Variants in BRINP1 observed in about 807,000 individuals in gnomAD.
BRINP1 encodes the protein BMP/retinoic acid-inducible neural-specific protein 1.
In BRINP1, 17 loss-of-function variants were observed where a neutral mutation model predicts 72.9. The observed-to-expected ratio is 0.23, with a 90% confidence interval of 0.16 to 0.35. BRINP1 has a LOEUF of 0.35. BRINP1 is among the 10% of genes least tolerant of loss of function. The pLI is 1.00. For synonymous variants in BRINP1, 418 were observed against 378.5 expected (o/e 1.10, Z -1.21); for missense variants, 850 against 1,001.6 (o/e 0.85, Z 2.04).
chr9:119,349,312 G>A (rs1831480344), intron 1 of BRINP1, among the ~76,000 whole-genome samples: 1 of 152,144 alleles, frequency 6.6e-6, no homozygotes, highest in South Asian at 2.1e-4. Flanking sequence ...ACAACTGTTA[G>A]TGTGAAGAAA....
Position 119,326,913 on chromosome 9 carries a change from A to C in BRINP1, c.-50-13508T>G, listed in dbSNP as rs189171672. On this transcript the variant is annotated intron_variant, in intron 1 of 7. Transcript: ENST00000265922. ...ATCTAGATGAGGCCTTAGAAGACAG[A>C]GAGACATTTGTGAGGTAATGAAAAG... Among the ~76,000 whole-genome samples the C allele has an allele frequency of 3.3e-3, 500 of 152,306 alleles. 2 individuals are homozygous for C. The highest frequency in any genetic ancestry group is 0.031 in the Middle Eastern group (9 of 294).
At chr9:119,259,158 A>T (rs1830474469) in intron 2 of BRINP1, among the ~76,000 whole-genome samples, 1 of 152,214 alleles carries the variant, frequency 6.6e-6, no homozygotes, top group African/African-American at 2.4e-5. Flanking sequence ...AGACATTCTG[A>T]TACTGTGGGA....
chr9:119,320,925 G>A (rs1468135741), intron 1 of BRINP1, among the ~76,000 whole-genome samples: 1 of 152,028 alleles, frequency 6.6e-6, no homozygotes, highest in Non-Finnish European at 1.5e-5. Flanking sequence ...GAGGGGTTAT[G>A]GTCTCCATTT....
chr9:119,297,735 C>CT (rs1239752225), intron 2 of BRINP1, among the ~76,000 whole-genome samples: 3 of 152,158 alleles, frequency 2.0e-5, no homozygotes, highest in African/African-American at 7.2e-5. Flanking sequence ...CTGGCAGCAT[C>CT]AGGGCTGGGC....
At chr9:119,200,878 A>C (rs1303328894) in intron 7 of BRINP1, among the ~76,000 whole-genome samples, 2 of 152,006 alleles carry the variant, frequency 1.3e-5, no homozygotes, top group African/African-American at 4.8e-5. Context: ...TTCAAGCAGA[A>C]GGAGCAGCCC....
chr9:119,198,281 T>C (rs1173318666), intron 7 of BRINP1, among the ~76,000 whole-genome samples: 2 of 152,226 alleles, frequency 1.3e-5, no homozygotes, highest in Admixed American at 6.5e-5. Context: ...TTGGTTCCAA[T>C]TTCGTCCAAC....
chr9:119,288,347 T>A (rs577520084), intron 2 of BRINP1, among the ~76,000 whole-genome samples: 10 of 138,248 alleles, frequency 7.2e-5, no homozygotes, highest in African/African-American at 2.4e-4. Flanking sequence ...TTTTTCTTTT[T>A]AAATTTTTTT....
Position 119,315,068 on chromosome 9 carries a change from C to T in BRINP1, c.-50-1663G>A, listed in dbSNP as rs1009105864. Among the ~76,000 whole-genome samples, 5 of 152,106 alleles carry T rather than the reference C, an allele frequency of 3.3e-5. No individual in the cohort carries two copies. In the South Asian group the frequency reaches 6.2e-4, roughly 19 times the overall value. On this transcript the variant is annotated intron_variant, in intron 1 of 7. Transcript: ENST00000265922. Reference sequence around the variant, plus strand: ...TTCTTTTTTTATTAATTTAAAAAAGCGTTATTTGTTTACTCCTCTGAGCTA... The same window carrying T: ...TTCTTTTTTTATTAATTTAAAAAAGTGTTATTTGTTTACTCCTCTGAGCTA...
At chr9:119,318,972 C>T (rs1831157230) in intron 1 of BRINP1, among the ~76,000 whole-genome samples, 1 of 151,836 alleles carries the variant, frequency 6.6e-6, no homozygotes, top group South Asian at 2.1e-4. Context: ...GGACCTTTTG[C>T]TCCCCAGGGA....
At chr9:119,365,663 A>G (rs1831683286) in intron 1 of BRINP1, among the ~76,000 whole-genome samples, 1 of 152,150 alleles carries the variant, frequency 6.6e-6, no homozygotes, top group African/African-American at 2.4e-5. Context: ...TCTTGCAAGC[A>G]CTAAGAAAGA....
intron 2 of BRINP1, chr9:119,283,121 G>A (rs543961): frequency 0.47 from 458,108 of 984,092 alleles, 107,875 homozygotes; most frequent in African/African-American, 0.56. Context: ...GTGAATCTGC[G>A]TTCTCACCGG....
chr9:119,316,437 G>A (rs555500227), intron 1 of BRINP1, among the ~76,000 whole-genome samples: 79 of 152,240 alleles, frequency 5.2e-4, no homozygotes, highest in African/African-American at 1.8e-3. Flanking sequence ...TGAAGATGTC[G>A]ATGATTTTCA....
intron 1 of BRINP1, among the ~76,000 whole-genome samples, chr9:119,335,238 G>A (rs765762638): frequency 1.3e-5 from 2 of 152,188 alleles, no homozygotes; most frequent in Non-Finnish European, 2.9e-5. Context: ...GAGAGTTGGT[G>A]AGTGCAGCAA....
chr9:119,298,070 AAGAT>A (rs1254227348), intron 2 of BRINP1, among the ~76,000 whole-genome samples: 2 of 152,216 alleles, frequency 1.3e-5, no homozygotes, highest in African/African-American at 4.8e-5. Flanking sequence ...GGACATCTAA[AAGAT>A]AGGACATCTA....
chr9:119,361,549 G>A (rs1831630109), intron 1 of BRINP1, among the ~76,000 whole-genome samples: 2 of 152,118 alleles, frequency 1.3e-5, no homozygotes, highest in Non-Finnish European at 2.9e-5. Flanking sequence ...ATCTTATGAG[G>A]AAGCACAGCT....
At position 119,213,701 on chromosome 9, in the gene BRINP1, C is replaced by A. The variant is rs563561428; in HGVS notation, c.922+218G>T. ...ACGACAGAAACAATACATCATATGA[C>A]CACAAACTGGATTATGCTATTCATT... On this transcript the variant is annotated intron_variant, in intron 6 of 7. Transcript: ENST00000265922. 71 of 622,260 alleles carry A rather than the reference C, an allele frequency of 1.1e-4. No individual in the cohort carries two copies. The African/African-American group carries it at 1.3e-3, about 11-fold the overall frequency. 38.5% of individuals were successfully genotyped at this position (622,260 alleles called of 1,614,324 possible). A position where few individuals can be genotyped will look rare whatever the true frequency, so the allele number is the denominator to read the frequency against.
At chr9:119,278,395 A>G (rs1393954524) in intron 2 of BRINP1, among the ~76,000 whole-genome samples, 1 of 152,138 alleles carries the variant, frequency 6.6e-6, no homozygotes, top group African/African-American at 2.4e-5. Flanking sequence ...TTGTTGGCTA[A>G]TTTTATTTGG....
intron 2 of BRINP1, among the ~76,000 whole-genome samples, chr9:119,310,013 T>C (rs1831044431): frequency 6.6e-6 from 1 of 152,154 alleles, no homozygotes; most frequent in South Asian, 2.1e-4. Flanking sequence ...GAACAAAACC[T>C]AAATCTCTAG....
chr9:119,167,827 A>G lies in BRINP1; in HGVS notation c.1543T>C (p.Phe515Leu). The G allele has an allele frequency of 6.2e-7, 1 of 1,613,754 alleles. No individual in the cohort carries two copies. The highest frequency in any genetic ancestry group is 1.1e-5 in the South Asian group (1 of 91,062). ...CGCTTGCGCCACCGAGGGTCAAAGA[A>G]GGTGTCGAGGCGGATCTCGTTGCTG... ...FISNEIRLDT[F>L]FDPRWRKRMS... Residue 515 changes from phenylalanine (F) to leucine (L), a missense_variant, in exon 8 of 8, where the codon TTC becomes CTC. By Grantham distance (22) the Phe-to-Leu change is conservative (BLOSUM62 0). Coordinates refer to ENST00000265922, the MANE Select transcript of BRINP1 (RefSeq NM_014618.3). This position sits in a 1 kb window ranked among gnomAD's most constrained non-coding sequence, Gnocchi z 4.3.
Sources: gnomAD v4.1 joint callset for allele counts (sites outside exome capture counted in the v4.1 genomes callset) on GRCh38, gnomAD v4.1.1 for gene constraint, Gnocchi (gnomAD v3.1) non-coding constraint, MANE v1.5 for transcripts, NCBI Gene and HGNC (gene_info 2026-07-23, HGNC 2026-07-21) for gene names.